The following NAALADL2 variants were observed in gnomAD, a reference collection of about 807,000 sequenced individuals.
NAALADL2 encodes inactive N-acetylated-alpha-linked acidic dipeptidase-like protein 2.
In NAALADL2, 76 loss-of-function variants were observed where a neutral mutation model predicts 87.2. The ratio of observed to expected loss-of-function variants is 0.87; its 90% confidence interval spans 0.72 to 1.05. NAALADL2 has a LOEUF of 1.05. Among genes scored for constraint, NAALADL2 ranks in the 50% least tolerant of loss-of-function variants. NAALADL2 has a pLI of 0.00. For synonymous variants in NAALADL2, 354 were observed against 331.0 expected (o/e 1.07, Z -0.75); for missense variants, 1,089 against 945.8 (o/e 1.15, Z -1.99).
At chr3:175,607,867 T>C (rs560578847) in intron 10 of NAALADL2, among the ~76,000 whole-genome samples, 1 of 151,242 alleles carries the variant, frequency 6.6e-6, no homozygotes, top group South Asian at 2.1e-4. Flanking sequence ...TGAGAAACAA[T>C]GGGTTAGAGA....
intron 1 of NAALADL2, among the ~76,000 whole-genome samples, chr3:174,469,951 C>A (rs1176520438): frequency 6.6e-6 from 1 of 152,040 alleles, no homozygotes; most frequent in Non-Finnish European, 1.5e-5. Flanking sequence ...TCTACAATTA[C>A]CATCTTTATA....
chr3:174,631,791 C>T (rs1425143387), intron 2 of NAALADL2: 1 of 152,130 alleles, frequency 6.6e-6, no homozygotes, highest in Non-Finnish European at 1.5e-5. Flanking sequence ...ATTTTCTTGT[C>T]TCAGCAAATG....
intron 1 of NAALADL2, among the ~76,000 whole-genome samples, chr3:174,519,285 C>T (rs902224694): frequency 6.6e-6 from 1 of 150,826 alleles, no homozygotes; most frequent in African/African-American, 2.4e-5. Flanking sequence ...AAGATTAGCC[C>T]TCAGCAAAGT....
intron 11 of NAALADL2, among the ~76,000 whole-genome samples, chr3:175,667,241 A>AAGAAAGAAAGAAAGAGAAAG (rs1182682303): frequency 5.4e-5 from 5 of 91,788 alleles, no homozygotes; most frequent in African/African-American, 1.5e-4. Flanking sequence ...GAAAGAAAGA[A>AAGAAAGAAAGAAAGAGAAAG]AAAGAAAGAA....
chr3:175,071,910 T>C (rs1474857799), intron 1 of NAALADL2, among the ~76,000 whole-genome samples: 1 of 152,068 alleles, frequency 6.6e-6, no homozygotes, highest in Non-Finnish European at 1.5e-5. Flanking sequence ...CTCTCTGGTA[T>C]TTTTTTCATA....
At chr3:175,795,826 T>C (rs1202103462) in intron 13 of NAALADL2, among the ~76,000 whole-genome samples, 2 of 151,980 alleles carry the variant, frequency 1.3e-5, no homozygotes, top group African/African-American at 4.8e-5. Context: ...AATAACTATT[T>C]TTTCTGTTAT....
In NAALADL2 at chr3:175,568,381, G is replaced by A. The variant is rs543639416; in HGVS notation, c.1654-7660G>A. Among the ~76,000 whole-genome samples, 13 of 152,050 alleles carry A rather than the reference G, an allele frequency of 8.5e-5. No individual in the cohort carries two copies. In the East Asian group the frequency reaches 1.5e-3, roughly 18 times the overall value. ...AGTATTGAAGAAAAATTATAGATGC[G>A]TAGTTTGTTACAACTAGATCTGGTG... On this transcript the variant is annotated intron_variant, in intron 9 of 13. Transcript: ENST00000454872.
chr3:175,074,636 T>TA (rs1716255891), intron 1 of NAALADL2, among the ~76,000 whole-genome samples: 2 of 152,248 alleles, frequency 1.3e-5, no homozygotes, highest in Admixed American at 6.5e-5. Flanking sequence ...TTTAGGTGGA[T>TA]AATGATACTA....
chr3:175,623,966 A>G (rs1400447138), intron 10 of NAALADL2, among the ~76,000 whole-genome samples: 3 of 151,572 alleles, frequency 2.0e-5, no homozygotes, highest in African/African-American at 7.3e-5. Context: ...TACACAGGGA[A>G]TATTATTATT....
At chr3:174,854,230 T>C (rs1483495681) in intron 3 of NAALADL2, among the ~76,000 whole-genome samples, 1 of 152,236 alleles carries the variant, frequency 6.6e-6, no homozygotes, top group East Asian at 1.9e-4. Context: ...TCTTTTGCAG[T>C]ACATGGATGG....
chr3:174,670,024 A>G (rs548021851), intron 2 of NAALADL2, among the ~76,000 whole-genome samples: 25 of 151,824 alleles, frequency 1.6e-4, no homozygotes, highest in African/African-American at 6.0e-4. Context: ...TATTTTATTG[A>G]TTTATTTTTC....
At chr3:174,555,301 AATT>A (rs1395998337) in intron 2 of NAALADL2, among the ~76,000 whole-genome samples, 3 of 151,966 alleles carry the variant, frequency 2.0e-5, no homozygotes, top group Non-Finnish European at 2.9e-5. Context: ...GCCACGGGGA[AATT>A]ATTATTATTT....
At chr3:174,850,024 T>G (rs1400363558) in intron 3 of NAALADL2, among the ~76,000 whole-genome samples, 1 of 152,196 alleles carries the variant, frequency 6.6e-6, no homozygotes, top group Non-Finnish European at 1.5e-5. Context: ...TTATTGTTGC[T>G]TGTTAACATA....
intron 2 of NAALADL2, among the ~76,000 whole-genome samples, chr3:174,654,096 G>C (rs549493472): frequency 6.9e-6 from 1 of 144,098 alleles, no homozygotes; most frequent in South Asian, 2.2e-4. Flanking sequence ...GTGTGTGTGT[G>C]TGTGTTAGAA....
At chr3:174,874,986 C>A (rs1354464937) in intron 1 of NAALADL2, among the ~76,000 whole-genome samples, 2 of 151,662 alleles carry the variant, frequency 1.3e-5, no homozygotes, top group Non-Finnish European at 2.9e-5. Flanking sequence ...TGGTGGCATG[C>A]ACCCATAGTC....
intron 13 of NAALADL2, among the ~76,000 whole-genome samples, chr3:175,762,148 C>T (rs1748102402): frequency 6.9e-6 from 1 of 145,974 alleles, no homozygotes; most frequent in East Asian, 2.0e-4. Flanking sequence ...GTCTATGATC[C>T]ATTCTGAGTT....
intron 9 of NAALADL2, among the ~76,000 whole-genome samples, chr3:175,531,895 C>A (rs1734130921): frequency 6.6e-6 from 1 of 152,166 alleles, no homozygotes; most frequent in Non-Finnish European, 1.5e-5. Flanking sequence ...AATCACCACC[C>A]CTGCATCTTT....
chr3:175,012,986 AAT>A, intron 1 of NAALADL2, among the ~76,000 whole-genome samples: 1 of 128,104 alleles, frequency 7.8e-6, no homozygotes, highest in Non-Finnish European at 1.5e-5. Context: ...TATACACAAA[AAT>A]ATATATACAT....
At chr3:174,985,625 A>G (rs1745749665) in intron 1 of NAALADL2, among the ~76,000 whole-genome samples, 1 of 152,138 alleles carries the variant, frequency 6.6e-6, no homozygotes, top group Non-Finnish European at 1.5e-5. Context: ...ATTATATTGG[A>G]TGAGATTTGA....
Sources: allele counts gnomAD v4.1 joint callset (sites outside exome capture counted in the v4.1 genomes callset), GRCh38; gene constraint gnomAD v4.1.1; transcripts MANE v1.5; gene names NCBI Gene and HGNC (gene_info 2026-07-23, HGNC 2026-07-21).